SPTBN1: variants seen among roughly 807,000 people sequenced by gnomAD.
The protein encoded by SPTBN1 is spectrin beta chain, non-erythrocytic 1.
Under a neutral mutation model 266.4 loss-of-function variants are expected in SPTBN1, and 32 were observed. The observed-to-expected ratio is 0.12, with a 90% CI of 0.09 to 0.16. SPTBN1 has a LOEUF of 0.16. Among genes scored for constraint, SPTBN1 ranks in the 10% least tolerant of loss-of-function variants. The probability of loss-of-function intolerance (pLI) is 1.00; values close to 1 mark genes in which losing one functional copy is unlikely to be tolerated. For synonymous variants in SPTBN1, 1,336 were observed against 1,162.2 expected, an observed-to-expected ratio of 1.15 and a Z score of -3.04; for missense variants, 2,296 against 3,067.1, an observed-to-expected ratio of 0.75 and a Z score of 5.94.
At chr2:54,637,424 AT>A (rs994035596) in intron 17 of SPTBN1, among the ~76,000 whole-genome samples, 5 of 151,944 alleles carry the variant, frequency 3.3e-5, no homozygotes, top group Non-Finnish European at 5.9e-5. Flanking sequence ...GTGTGCTCAT[AT>A]TTTTTTCTTA....
intron 2 of SPTBN1, among the ~76,000 whole-genome samples, chr2:54,530,652 C>CTGAGATTACA (rs1558811223): frequency 6.6e-6 from 1 of 151,974 alleles, no homozygotes; most frequent in Admixed American, 6.6e-5. Context: ...CCACCGCGCC[C>CTGAGATTACA]GGCTTAAAAA....
Position 54,644,538 on chromosome 2 carries a change from C to G in SPTBN1, c.4221C>G (p.Asp1407Glu), listed in dbSNP as rs1431941017. Residue 1407 changes from aspartate (D) to glutamate (E), a missense_variant, in exon 20 of 36, where the codon GAC becomes GAG. Asp to Glu is a conservative substitution (Grantham distance 45). Around this residue, in one of 12 missense-constraint regions of SPTBN1, gnomAD observed 386 missense variants for 486.1 expected, o/e 0.79. Coordinates refer to ENST00000356805, the MANE Select transcript of SPTBN1 (RefSeq NM_003128.3). ...TGGAGAGTCAGATTCAGTCTGATGA[C>G]TATGGCAAAGACCTGACCAGTGTCA... ...HGLESQIQSD[D>E]YGKDLTSVNI... 1.2e-6 allele frequency: 2 copies of G among 1,613,690 alleles called. No homozygotes were observed. The highest frequency in any genetic ancestry group is 2.7e-5 in the African/African-American group (2 of 74,920).
chr2:54,646,720 A>G lies in SPTBN1; in HGVS notation c.4866+245A>G, dbSNP rs1163232591. On this transcript the variant is annotated intron_variant, in intron 23 of 35. Coordinates refer to ENST00000356805, the MANE Select transcript of SPTBN1 (RefSeq NM_003128.3). The surrounding 1 kb of genome is among the most constrained non-coding windows in gnomAD (Gnocchi z 4.4). ...CATCCTTTCATCTTTGAAATATGCC[A>G]GAGTCCTTCCTGCTGTCTATTTATA... 6.6e-6 allele frequency among the ~76,000 whole-genome samples: 1 copy of G among 152,218 alleles called. No individual in the cohort carries two copies. The highest frequency in any genetic ancestry group is 1.5e-5 in the Non-Finnish European group (1 of 68,038).
intron 1 of SPTBN1, among the ~76,000 whole-genome samples, chr2:54,511,639 A>G (rs1669862187): frequency 6.6e-6 from 1 of 152,132 alleles, no homozygotes; most frequent in Non-Finnish European, 1.5e-5. Context: ...CAAAGTGGGC[A>G]AATCACCTGA....
chr2:54,630,547 G>A (rs2103934609), intron 15 of SPTBN1, among the ~76,000 whole-genome samples: 1 of 152,328 alleles, frequency 6.6e-6, no homozygotes. Flanking sequence ...GTTCAGAGAT[G>A]TGTAAAATGT....
chr2:54,562,831 C>T (rs931328158), intron 2 of SPTBN1, among the ~76,000 whole-genome samples: 11 of 151,852 alleles, frequency 7.2e-5, no homozygotes, highest in Non-Finnish European at 1.5e-5. Flanking sequence ...ATGCTGGGAT[C>T]ACAGGTGTGA....
rs569281467 is a variant in SPTBN1, at chr2:54,668,950, A to G, written c.*381A>G. The G allele has an allele frequency of 1.1e-4, 26 of 231,612 alleles. No individual in the cohort carries two copies. In the East Asian group the frequency reaches 1.6e-3, roughly 14 times the overall value. The allele number at this position is 231,612 out of a possible 1,614,324, so 14.3% of individuals were successfully genotyped here. A position where few individuals can be genotyped will look rare whatever the true frequency, so the allele number is the denominator to read the frequency against. ...TGCTCACCAGAGGCAAAATGTACCA[A>G]TATCCTGACACCATTCTCTCTCCAT... On this transcript the variant is annotated 3_prime_UTR_variant, in exon 36 of 36. Transcript: ENST00000356805.
Position 54,657,930 on chromosome 2 carries a change from C to G in SPTBN1, c.6127C>G (p.Arg2043Gly). The change falls in exon 30 of 36, where the codon CGA becomes GGA. Residue 2043 changes from arginine to glycine, a missense_variant. Physicochemically the swap from Arg to Gly is moderately radical, Grantham distance 125. Transcript: ENST00000356805. ...LLGQEPYLSS[R>G]EIGQSVDEVE... ...TGGACAGGAGCCGTACCTATCCAGC[C>G]GAGAGATAGGCCAGAGCGTGGACGA... The G allele has an allele frequency of 1.2e-6, 2 of 1,614,228 alleles. No homozygotes were observed. Among genetic ancestry groups the G allele is most frequent in the Non-Finnish European group, 1.7e-6 (2 of 1,180,046 alleles).
intron 7 of SPTBN1, among the ~76,000 whole-genome samples, 191 bp downstream of exon 7, chr2:54,618,384 T>C (rs1677768016): frequency 6.6e-6 from 1 of 152,176 alleles, no homozygotes; most frequent in African/African-American, 2.4e-5. Context: ...ATGAATACGA[T>C]TTAAACAGAG....
intron 2 of SPTBN1, among the ~76,000 whole-genome samples, chr2:54,563,375 G>A (rs941079775): frequency 6.6e-6 from 1 of 152,110 alleles, no homozygotes; most frequent in African/African-American, 2.4e-5. Flanking sequence ...GCATTCTCTA[G>A]CTATTCTGGC....
At position 54,558,683 on chromosome 2, in the gene SPTBN1, G is replaced by T; in HGVS notation, c.148+32117G>T. The T allele has an allele frequency of 6.5e-7, 1 of 1,535,090 alleles. No individual in the cohort carries two copies. Among genetic ancestry groups the T allele is most frequent in the South Asian group, 1.3e-5 (1 of 79,486 alleles). On this transcript the variant is annotated intron_variant, in intron 2 of 35. Transcript: ENST00000356805. This position sits in a 1 kb window ranked among gnomAD's most constrained non-coding sequence, Gnocchi z 4.6. ...CGGAATGGGGCTCGCCTAAGGAGCC[G>T]AGCGCTGCGGAGGCTGCTGCGTGTT...
chr2:54,646,370 G>A lies in SPTBN1; in HGVS notation c.4761G>A (p.Arg1587=). ...AGGAGACAGAGAAACGCCACAGGCG[G>A]CTGGAGGAGGCGCACAGGGCCCAGC... The part of the protein sequence containing the change: ...LIEETEKRHR[R]LEEAHRAQQY... The change falls in exon 23 of 36, where the codon CGG becomes CGA. Residue 1587 remains arginine, a synonymous_variant. Coordinates refer to ENST00000356805, the MANE Select transcript of SPTBN1 (RefSeq NM_003128.3). This position sits in a 1 kb window ranked among gnomAD's most constrained non-coding sequence, Gnocchi z 4.4. The A allele has an allele frequency of 6.2e-7, 1 of 1,613,526 alleles. No homozygotes were observed. Among genetic ancestry groups the A allele is most frequent in the Non-Finnish European group, 8.5e-7 (1 of 1,179,754 alleles).
chr2:54,599,004 C>G, intron 2 of SPTBN1, 88 bp from the exon 3 acceptor site: 1 of 1,506,044 alleles, frequency 6.6e-7, no homozygotes, highest in South Asian at 1.3e-5. Context: ...TGACCTTCCT[C>G]TGGCTGGGGT....
intron 28 of SPTBN1, 21 bp from the exon 29 acceptor site, chr2:54,655,893 G>A (rs1041862628): frequency 1.3e-6 from 2 of 1,596,352 alleles, no homozygotes; most frequent in Non-Finnish European, 1.7e-6. Context: ...AGATGTCCCG[G>A]GGATCCTCTT....
intron 30 of SPTBN1, 37 bp from the exon 31 acceptor site, chr2:54,659,117 T>G (rs1680866602): frequency 6.2e-7 from 1 of 1,607,434 alleles, no homozygotes; most frequent in Non-Finnish European, 8.5e-7. Flanking sequence ...GAGGCAGAGT[T>G]TGGGACTCTA....
chr2:54,505,050 T>C (rs1386176907), intron 1 of SPTBN1, among the ~76,000 whole-genome samples: 3 of 152,228 alleles, frequency 2.0e-5, no homozygotes, highest in Non-Finnish European at 4.4e-5. Flanking sequence ...TGGTTACAAT[T>C]AAAGTAATGG....
At chr2:54,479,785 C>G (rs1558762584) in intron 1 of SPTBN1, among the ~76,000 whole-genome samples, 1 of 152,056 alleles carries the variant, frequency 6.6e-6, no homozygotes, top group Non-Finnish European at 1.5e-5. Context: ...ATTTAGGGTA[C>G]TTAATTCATG....
At position 54,558,338 on chromosome 2, in the gene SPTBN1, G is replaced by C. The variant is rs577274653; in HGVS notation, c.148+31772G>C. The C allele has an allele frequency of 3.1e-5, 31 of 995,954 alleles. No individual in the cohort carries two copies. The South Asian group carries it at 1.2e-3, about 38-fold the overall frequency. The allele number at this position is 995,954 out of a possible 1,614,324, so 61.7% of individuals were successfully genotyped here. A position where few individuals can be genotyped will look rare whatever the true frequency, so the allele number is the denominator to read the frequency against. On this transcript the variant is annotated intron_variant, in intron 2 of 35. Transcript: ENST00000356805. This position sits in a 1 kb window ranked among gnomAD's most constrained non-coding sequence, Gnocchi z 4.6. ...AGGTGACATCACCGCCCAGCACACG[G>C]CGAGTGGCTCCTGATAAAATTACAA... is the stretch of plus-strand genomic sequence containing the variant.
chr2:54,493,412 T>TGCGGGG (rs1553433740), intron 1 of SPTBN1, among the ~76,000 whole-genome samples: 4 of 146,698 alleles, frequency 2.7e-5, no homozygotes, highest in Admixed American at 1.4e-4. Flanking sequence ...TTTTCTTTTT[T>TGCGGGG]GGGGGGTTGG....
Sources: allele counts gnomAD v4.1 joint callset (sites outside exome capture counted in the v4.1 genomes callset), GRCh38; gene constraint gnomAD v4.1.1; regional missense constraint gnomAD v4.1.1; non-coding constraint Gnocchi (gnomAD v3.1); transcripts MANE v1.5; gene names NCBI Gene and HGNC (gene_info 2026-07-23, HGNC 2026-07-21).